Variants in TNKS2 observed in about 807,000 individuals in gnomAD.
TNKS2 encodes the protein poly [ADP-ribose] polymerase tankyrase-2.
TNKS2 carries 72 observed loss-of-function variants against 137.6 expected under a neutral mutation model. That is an observed-to-expected ratio of 0.52 (90% CI 0.43 to 0.64). The LOEUF (loss-of-function observed/expected upper bound fraction) is 0.64, where lower values mean the gene tolerates loss of function less well. TNKS2 is among the 30% of genes least tolerant of loss of function. The probability of loss-of-function intolerance (pLI) is 0.00; values close to 1 mark genes in which losing one functional copy is unlikely to be tolerated. For missense variants in TNKS2, 1,049 were observed against 1,410.2 expected, an observed-to-expected ratio of 0.74 and a Z score of 4.10; for synonymous variants, 516 against 512.1, an observed-to-expected ratio of 1.01 and a Z score of -0.10.
Position 91,828,351 on chromosome 10 carries a change from ATC to A in TNKS2, c.1057_1058del (p.Leu353GlyfsTer12). 1 of 1,609,568 alleles carries A rather than the reference ATC, an allele frequency of 6.2e-7. No homozygotes were observed. The highest frequency in any genetic ancestry group is 8.5e-7 in the Non-Finnish European group (1 of 1,178,318). ...GCTGATGTTACTCGAATCAAAAAAC[ATC>A]TCTCTCTGGAAATGGTGAATTTCAA... On this transcript the variant is annotated frameshift_variant, in exon 9 of 27. Coordinates refer to ENST00000371627, the MANE Select transcript of TNKS2 (RefSeq NM_025235.4). LOFTEE classifies it high-confidence loss of function.
At chr10:91,849,745 C>A in intron 20 of TNKS2, 151 bp downstream of exon 20, 1 of 584,834 alleles carries the variant, frequency 1.7e-6, no homozygotes, top group Non-Finnish European at 2.9e-6. Flanking sequence ...TTTGGCTTGA[C>A]CTTGAAACTT....
Position 91,851,233 on chromosome 10 carries a change from A to G in TNKS2, c.2712A>G (p.Leu904=). 2.5e-6 allele frequency: 4 copies of G among 1,613,758 alleles called. No homozygotes were observed. Among genetic ancestry groups the G allele is most frequent in the Middle Eastern group, 1.7e-4 (1 of 6,058 alleles). ...FEREQITLDV[L]VEMGHKELKE... ...TTTGTAAGATCACTTTGGATGTATT[A>G]GTTGAGATGGGGCACAAGGAGCTGA... The change falls in exon 21 of 27, where the codon TTA becomes TTG. Residue 904 remains leucine, a synonymous_variant. Transcript: ENST00000371627.
intron 19 of TNKS2, among the ~76,000 whole-genome samples, chr10:91,848,957 C>T (rs1163816237): frequency 6.6e-6 from 1 of 152,180 alleles, no homozygotes; most frequent in Admixed American, 6.5e-5. Flanking sequence ...CTGCCTCAGC[C>T]TCCCGAGTAG....
intron 7 of TNKS2, 111 bp from the exon 8 acceptor site, chr10:91,826,906 A>G (rs557170967): frequency 6.7e-5 from 71 of 1,056,474 alleles, no homozygotes; most frequent in Non-Finnish European, 8.7e-5. Flanking sequence ...TCAAAAAGTG[A>G]ACTTTGGGAA....
intron 5 of TNKS2, 37 bp from the exon 6 acceptor site, chr10:91,819,902 A>G (rs773495247): frequency 4.7e-5 from 67 of 1,433,722 alleles, no homozygotes; most frequent in Non-Finnish European, 6.1e-5. Context: ...TTCAACCATT[A>G]TTTGAATTTC....
chr10:91,861,945 A>C, intron 25 of TNKS2, 54 bp from the exon 26 acceptor site: 1 of 1,511,220 alleles, frequency 6.6e-7, no homozygotes, highest in Non-Finnish European at 8.9e-7. Context: ...ACACATTGTC[A>C]TATTTATGTA....
chr10:91,817,308 T>G, intron 3 of TNKS2, 79 bp downstream of exon 3: 1 of 843,186 alleles, frequency 1.2e-6, no homozygotes, highest in Non-Finnish European at 1.9e-6. Context: ...CTCCTATGAT[T>G]AATGACTTCA....
At chr10:91,815,434 A>G (rs1844655637) in intron 2 of TNKS2, among the ~76,000 whole-genome samples, 1 of 152,048 alleles carries the variant, frequency 6.6e-6, no homozygotes, top group South Asian at 2.1e-4. Context: ...CAACTCTGGT[A>G]CCTCAGAATC....
chr10:91,810,893 T>TTC (rs148884472), intron 1 of TNKS2, among the ~76,000 whole-genome samples: 2 of 124,300 alleles, frequency 1.6e-5, no homozygotes, highest in African/African-American at 6.2e-5. Flanking sequence ...TTCTTTTCTT[T>TTC]TTTCTTTTCT....
chr10:91,858,763 C>T (rs540647988), intron 24 of TNKS2, among the ~76,000 whole-genome samples: 2 of 152,324 alleles, frequency 1.3e-5, no homozygotes, highest in African/African-American at 4.8e-5. Flanking sequence ...AATCCCAACA[C>T]TTTGGGAGGC....
intron 13 of TNKS2, among the ~76,000 whole-genome samples, chr10:91,838,826 A>T (rs186331524): frequency 1.1e-4 from 16 of 152,264 alleles, no homozygotes; most frequent in African/African-American, 3.6e-4. Flanking sequence ...TAGGTTAGTA[A>T]AAAGGGGGAA....
At chr10:91,844,377 A>G (rs1017168155) in intron 16 of TNKS2, among the ~76,000 whole-genome samples, 4 of 152,202 alleles carry the variant, frequency 2.6e-5, no homozygotes, top group Admixed American at 1.3e-4. Flanking sequence ...TGGCTTTAAC[A>G]GCACCTAAGT....
chr10:91,824,560 T>C (rs1364780783), intron 7 of TNKS2, among the ~76,000 whole-genome samples: 1 of 152,204 alleles, frequency 6.6e-6, no homozygotes, highest in Non-Finnish European at 1.5e-5. Flanking sequence ...TTGACTGATA[T>C]TTCTTTGCTT....
chr10:91,844,871 TAAA>T, intron 16 of TNKS2, 45 bp from the exon 17 acceptor site: 1 of 1,355,522 alleles, frequency 7.4e-7, no homozygotes, highest in Non-Finnish European at 1.0e-6. Flanking sequence ...GACATAGGAC[TAAA>T]AAAGAAAAAA....
chr10:91,828,319 A>C lies in TNKS2; in HGVS notation c.1017A>C (p.Ala339=). The part of the protein sequence containing the change: ...EFKGHSLLQA[A]READVTRIKK... ...AAGGCCACTCGTTGCTGCAAGCTGC[A>C]CGAGAAGCTGATGTTACTCGAATCA... Residue 339 remains alanine, a synonymous_variant, in exon 9 of 27, where the codon GCA becomes GCC. Transcript: ENST00000371627. The C allele has an allele frequency of 6.2e-7, 1 of 1,606,140 alleles. No individual in the cohort carries two copies.
chr10:91,825,376 T>TA (rs1442819007), intron 7 of TNKS2, among the ~76,000 whole-genome samples: 2 of 152,212 alleles, frequency 1.3e-5, no homozygotes, highest in African/African-American at 4.8e-5. Context: ...GTGCTGGAAT[T>TA]ATAGGCATAA....
chr10:91,831,136 A>G lies in TNKS2; in HGVS notation c.1230A>G (p.Lys410=). Reference sequence around the variant, plus strand: ...CTCCTCTGCACGTGGCATCTGAGAAAGCTCATAATGATGTTGTTGAAGTAG... The same window carrying G: ...CTCCTCTGCACGTGGCATCTGAGAAGGCTCATAATGATGTTGTTGAAGTAG... ...FLTPLHVASE[K]AHNDVVEVVV... is the part of the protein sequence containing the mutation. Residue 410 remains lysine, a synonymous_variant, in exon 11 of 27, where the codon AAA becomes AAG. Transcript: ENST00000371627. The G allele has an allele frequency of 6.2e-7, 1 of 1,614,038 alleles. No homozygotes were observed. Among genetic ancestry groups the G allele is most frequent in the Non-Finnish European group, 8.5e-7 (1 of 1,179,948 alleles).
intron 13 of TNKS2, among the ~76,000 whole-genome samples, chr10:91,839,118 G>A (rs1413591783): frequency 6.6e-6 from 1 of 151,466 alleles, no homozygotes; most frequent in Admixed American, 6.6e-5. Context: ...CCACCCGCCT[G>A]GCCTCCCAAC....
At position 91,813,050 on chromosome 10, in the gene TNKS2, T is replaced by A; in HGVS notation, c.267T>A (p.Asp89Glu). 3 of 1,614,172 alleles carry A rather than the reference T, an allele frequency of 1.9e-6. No homozygotes were observed. The highest frequency in any genetic ancestry group is 2.5e-6 in the Non-Finnish European group (3 of 1,180,024). The part of the protein sequence containing the change: ...QNGANVQARD[D>E]GGLIPLHNAC... ...GTGCAAATGTCCAAGCACGTGATGATGGGGGCCTTATTCCTCTTCATAATG... is the reference window on the plus strand; with the variant it reads ...GTGCAAATGTCCAAGCACGTGATGAAGGGGGCCTTATTCCTCTTCATAATG... Residue 89 changes from aspartate to glutamate, a missense_variant, in exon 2 of 27, where the codon GAT (aspartate) becomes GAA (glutamate). Asp to Glu is a conservative substitution (Grantham distance 45). Coordinates refer to ENST00000371627, the MANE Select transcript of TNKS2 (RefSeq NM_025235.4).
Sources: allele counts gnomAD v4.1 joint callset (sites outside exome capture counted in the v4.1 genomes callset), GRCh38; gene constraint gnomAD v4.1.1; transcripts MANE v1.5; gene names NCBI Gene and HGNC (gene_info 2026-07-23, HGNC 2026-07-21).